The following ST6GALNAC5 variants were observed in gnomAD, a reference collection of about 807,000 sequenced individuals.
ST6GALNAC5 encodes alpha-N-acetylgalactosaminide alpha-2,6-sialyltransferase 5.
In ST6GALNAC5, 27 loss-of-function variants were observed where a neutral mutation model predicts 33.6. That is an observed-to-expected ratio of 0.80 (90% confidence interval 0.59 to 1.11). The LOEUF is 1.11. ST6GALNAC5 is among the 50% of genes least tolerant of loss of function. The pLI is 0.00. For missense variants in ST6GALNAC5, 428 were observed against 454.0 expected (o/e 0.94, Z 0.52); for synonymous variants, 194 against 171.2 (o/e 1.13, Z -1.04).
intron 2 of ST6GALNAC5, among the ~76,000 whole-genome samples, chr1:76,923,535 A>G (rs1200745567): frequency 1.3e-5 from 2 of 152,072 alleles, no homozygotes; most frequent in East Asian, 3.9e-4. Context: ...TGTACTAAAA[A>G]TACAAAAATT....
rs145814102 is a variant in ST6GALNAC5, at chr1:77,036,307, G to A, written c.262-7897G>A. ...AAATGGACATGAGATTTCTTTTCAG[G>A]ATGATGGAAATGTTCTAAAATTAGG... On this transcript the variant is annotated intron_variant, in intron 2 of 4. Transcript: ENST00000477717. 1.2e-4 allele frequency among the ~76,000 whole-genome samples: 19 copies of A among 152,280 alleles called. No individual in the cohort carries two copies. In the East Asian group the frequency reaches 3.5e-3, roughly 28 times the overall value.
chr1:76,931,838 G>C (rs186604489), intron 2 of ST6GALNAC5, among the ~76,000 whole-genome samples: 1 of 152,098 alleles, frequency 6.6e-6, no homozygotes, highest in Admixed American at 6.6e-5. Context: ...AGAAGGCTAA[G>C]GACAGAGTCC....
At chr1:76,999,240 A>C (rs1216251822) in intron 2 of ST6GALNAC5, among the ~76,000 whole-genome samples, 1 of 152,180 alleles carries the variant, frequency 6.6e-6, no homozygotes, top group Non-Finnish European at 1.5e-5. Flanking sequence ...TGTAATTAAA[A>C]AAGGGATTTA....
chr1:77,061,212 A>C (rs1412002192), intron 4 of ST6GALNAC5, among the ~76,000 whole-genome samples: 1 of 152,200 alleles, frequency 6.6e-6, no homozygotes, highest in East Asian at 1.9e-4. Flanking sequence ...CAAAGTGTTA[A>C]TTCAGCATAG....
chr1:77,019,040 G>T (rs1318502391), intron 2 of ST6GALNAC5, among the ~76,000 whole-genome samples: 1 of 152,162 alleles, frequency 6.6e-6, no homozygotes, highest in Non-Finnish European at 1.5e-5. Context: ...GCAGTGAAAT[G>T]ATATCAATTC....
intron 2 of ST6GALNAC5, among the ~76,000 whole-genome samples, chr1:76,964,245 C>T (rs1648364686): frequency 6.6e-6 from 1 of 152,166 alleles, no homozygotes; most frequent in Middle Eastern, 3.2e-3. Context: ...GTTGATAACG[C>T]CACTTGTCTG....
intron 2 of ST6GALNAC5, among the ~76,000 whole-genome samples, chr1:76,981,873 C>A (rs1649267550): frequency 6.6e-6 from 1 of 152,200 alleles, no homozygotes; most frequent in South Asian, 2.1e-4. Flanking sequence ...CAAACAGGGT[C>A]TGGAGTGGAA....
intron 2 of ST6GALNAC5, among the ~76,000 whole-genome samples, chr1:76,953,521 A>T (rs1265182949): frequency 6.6e-6 from 1 of 151,842 alleles, no homozygotes; most frequent in Non-Finnish European, 1.5e-5. Flanking sequence ...TTCTAATTGG[A>T]GTTTGTTTCT....
intron 2 of ST6GALNAC5, among the ~76,000 whole-genome samples, chr1:77,027,384 T>C (rs1369637716): frequency 6.6e-6 from 1 of 152,164 alleles, no homozygotes; most frequent in Non-Finnish European, 1.5e-5. Flanking sequence ...GGTGACCATT[T>C]ATTGAGCGTT....
intron 2 of ST6GALNAC5, among the ~76,000 whole-genome samples, chr1:76,977,777 A>G (rs2100376009): frequency 6.6e-6 from 1 of 152,350 alleles, no homozygotes; most frequent in Middle Eastern, 3.4e-3. Flanking sequence ...ATAGCACTGC[A>G]ATAAAAACAG....
At chr1:76,916,035 A>T (rs145116410) in intron 2 of ST6GALNAC5, among the ~76,000 whole-genome samples, 1 of 152,198 alleles carries the variant, frequency 6.6e-6, no homozygotes, top group East Asian at 1.9e-4. Flanking sequence ...ACTCATTGAA[A>T]TACTCCTGTA....
At chr1:76,993,856 C>T (rs890612829) in intron 2 of ST6GALNAC5, among the ~76,000 whole-genome samples, 6 of 151,902 alleles carry the variant, frequency 3.9e-5, no homozygotes, top group African/African-American at 1.5e-4. Flanking sequence ...AATTTATTTC[C>T]TCTGGAGCTT....
At chr1:77,020,231 C>T (rs1651000394) in intron 2 of ST6GALNAC5, among the ~76,000 whole-genome samples, 1 of 152,142 alleles carries the variant, frequency 6.6e-6, no homozygotes, top group African/African-American at 2.4e-5. Context: ...GTGTAATTGA[C>T]ATTTTTTAAG....
chr1:76,871,125 G>A (rs925494295), intron 2 of ST6GALNAC5: 5 of 152,222 alleles, frequency 3.3e-5, no homozygotes, highest in African/African-American at 1.2e-4. Flanking sequence ...TCTTGCATAG[G>A]CAGAGGTGGA....
intron 2 of ST6GALNAC5, among the ~76,000 whole-genome samples, chr1:77,037,918 G>A (rs1464446988): frequency 2.6e-5 from 4 of 152,144 alleles, no homozygotes; most frequent in African/African-American, 9.7e-5. Flanking sequence ...TTGAATTTGG[G>A]CTTGAGCACC....
intron 2 of ST6GALNAC5, among the ~76,000 whole-genome samples, chr1:76,896,180 A>C (rs1294333781): frequency 6.6e-6 from 1 of 152,200 alleles, no homozygotes; most frequent in Non-Finnish European, 1.5e-5. Context: ...AAGGGAAGAA[A>C]TGACTATGGT....
At chr1:77,028,086 T>G (rs1651314069) in intron 2 of ST6GALNAC5, among the ~76,000 whole-genome samples, 1 of 152,230 alleles carries the variant, frequency 6.6e-6, no homozygotes, top group Non-Finnish European at 1.5e-5. Context: ...GCCTCTGCCC[T>G]GTGCCTCCCA....
At chr1:77,012,979 CA>C (rs952920007) in intron 2 of ST6GALNAC5, among the ~76,000 whole-genome samples, 4 of 152,034 alleles carry the variant, frequency 2.6e-5, no homozygotes, top group Non-Finnish European at 4.4e-5. Context: ...AAGTCAAGTG[CA>C]AAAAAGCCCC....
chr1:76,921,657 C>T (rs1022825541), intron 2 of ST6GALNAC5, among the ~76,000 whole-genome samples: 9 of 152,102 alleles, frequency 5.9e-5, no homozygotes, highest in African/African-American at 1.7e-4. Context: ...AGTTCTATAA[C>T]CATTAATGAA....
Sources: gnomAD v4.1 joint callset for allele counts (sites outside exome capture counted in the v4.1 genomes callset) on GRCh38, gnomAD v4.1.1 for gene constraint, MANE v1.5 for transcripts, NCBI Gene and HGNC (gene_info 2026-07-23, HGNC 2026-07-21) for gene names.